Variants in LRRC27 observed in about 807,000 individuals in gnomAD.
LRRC27 encodes the protein leucine-rich repeat-containing protein 27.
Under a neutral mutation model 55.0 loss-of-function variants are expected in LRRC27, and 57 were observed. The observed-to-expected ratio is 1.04, with a 90% CI of 0.84 to 1.29. The LOEUF (loss-of-function observed/expected upper bound fraction) is 1.29, where lower values mean the gene tolerates loss of function less well. Ranked by LOEUF, LRRC27 falls within the 50% of genes most tolerant of loss-of-function variation. LRRC27 has a pLI of 0.00. For synonymous variants in LRRC27, 278 were observed against 251.9 expected, an observed-to-expected ratio of 1.10 and a Z score of -0.98; for missense variants, 721 against 651.5, an observed-to-expected ratio of 1.11 and a Z score of -1.16.
In LRRC27 at chr10:132,364,152, A is replaced by G. The variant is rs1188809757; in HGVS notation, c.1290-1272A>G. ...CTGACCTGAGGGCTCTGTTCTGTAG[A>G]ACTCCAGAGGACATCATGCTTTCTT... On this transcript the variant is annotated intron_variant, in intron 9 of 10. Transcript: ENST00000368614. 2.0e-5 allele frequency among the ~76,000 whole-genome samples: 3 copies of G among 151,970 alleles called. No homozygotes were observed. In the East Asian group the frequency reaches 5.8e-4, roughly 29 times the overall value.
chr10:132,367,907 CAA>C (rs2069133094), intron 10 of LRRC27, among the ~76,000 whole-genome samples: 1 of 152,098 alleles, frequency 6.6e-6, no homozygotes, highest in Admixed American at 6.5e-5. Context: ...GATTGGGAAA[CAA>C]GAAATAAAAT....
Position 132,375,677 on chromosome 10 carries a change from A to AG in LRRC27, c.*439dup, listed in dbSNP as rs1043088387. The AG allele has an allele frequency of 2.4e-4, 37 of 154,516 alleles. No individual in the cohort carries two copies. The highest frequency in any genetic ancestry group is 5.0e-4 in the Non-Finnish European group (35 of 69,698). 9.6% of individuals were successfully genotyped at this position (154,516 alleles called of 1,614,324 possible). A position where few individuals can be genotyped will look rare whatever the true frequency, so the allele number is the denominator to read the frequency against. ...GCAGCACCACCTTTGGCTAGGAGGG[A>AG]GGGGTGACAGCCAAAAAGGGCTTCG... is the stretch of plus-strand genomic sequence containing the variant. On this transcript the variant is annotated 3_prime_UTR_variant, in exon 11 of 11. Transcript: ENST00000368614.
At chr10:132,367,242 T>C (rs2069117580) in intron 10 of LRRC27, among the ~76,000 whole-genome samples, 2 of 152,238 alleles carry the variant, frequency 1.3e-5, no homozygotes, top group South Asian at 4.1e-4. Context: ...AGGAATTCAA[T>C]CAATAATTAA....
intron 4 of LRRC27, among the ~76,000 whole-genome samples, chr10:132,344,237 T>C (rs1471710792): frequency 6.6e-6 from 1 of 152,200 alleles, no homozygotes; most frequent in South Asian, 2.1e-4. Flanking sequence ...TTTTACAGAA[T>C]TGTGAAGGTG....
upstream of LRRC27, chr10:132,330,219 A>T: frequency 1.9e-6 from 1 of 538,918 alleles, no homozygotes. Flanking sequence ...GACTACAAAA[A>T]TTAATGTAGC....
chr10:132,368,832 T>C (rs987817556), intron 10 of LRRC27, among the ~76,000 whole-genome samples: 2 of 152,180 alleles, frequency 1.3e-5, no homozygotes, highest in African/African-American at 4.8e-5. Flanking sequence ...ACTTCTGTTC[T>C]ATGTAAGACA....
At chr10:132,330,830 G>C (rs1243563405), upstream of LRRC27, among the ~76,000 whole-genome samples, 2 of 151,368 alleles carry the variant, frequency 1.3e-5, no homozygotes, top group Non-Finnish European at 1.5e-5. Context: ...TTCTTACTGT[G>C]ATCTCTTCAC....
chr10:132,364,219 C>T (rs1469875538), intron 9 of LRRC27, among the ~76,000 whole-genome samples: 1 of 151,970 alleles, frequency 6.6e-6, no homozygotes, highest in African/African-American at 2.4e-5. Context: ...CGGCACAAAC[C>T]CTGCTGCTGG....
intron 8 of LRRC27, among the ~76,000 whole-genome samples, chr10:132,356,247 T>C (rs1268992132): frequency 6.6e-6 from 1 of 152,158 alleles, no homozygotes; most frequent in African/African-American, 2.4e-5. Flanking sequence ...GGGGAAAAGA[T>C]TCAAAAGATA....
intron 9 of LRRC27, among the ~76,000 whole-genome samples, chr10:132,362,365 CAG>C (rs2068662162): frequency 6.6e-6 from 1 of 152,102 alleles, no homozygotes; most frequent in African/African-American, 2.4e-5. Context: ...GGTAGGGGCT[CAG>C]AGGCATGCAC....
In LRRC27 at chr10:132,374,790, C is replaced by T. The variant is rs1244784188; in HGVS notation, c.1417-276C>T. ...AGATGCACAGGACACCTGGGTGGGG[C>T]CGTGGGGACACCAGGATGAGTGGCC... On this transcript the variant is annotated intron_variant, in intron 10 of 10. Coordinates refer to ENST00000368614, the MANE Select transcript of LRRC27 (RefSeq NM_030626.3). The surrounding 1 kb of genome is among the most constrained non-coding windows in gnomAD (Gnocchi z 4.4). Among the ~76,000 whole-genome samples, 1 of 152,174 alleles carries T rather than the reference C, an allele frequency of 6.6e-6. No individual in the cohort carries two copies. The highest frequency in any genetic ancestry group is 1.5e-5 in the Non-Finnish European group (1 of 68,026).
chr10:132,364,978 A>C (rs1047101167), intron 9 of LRRC27, among the ~76,000 whole-genome samples: 4 of 152,236 alleles, frequency 2.6e-5, no homozygotes, highest in Non-Finnish European at 5.9e-5. Context: ...CCTGAGCCCC[A>C]GTGCTAACAG....
chr10:132,364,627 A>ACACCCACACTCACACC (rs2068921225), intron 9 of LRRC27, among the ~76,000 whole-genome samples: 1 of 90,602 alleles, frequency 1.1e-5, no homozygotes, highest in Non-Finnish European at 2.2e-5. Flanking sequence ...ATCTACCTCC[A>ACACCCACACTCACACC]CGCCCACACT....
At chr10:132,346,606 G>A (rs899728421) in intron 5 of LRRC27, among the ~76,000 whole-genome samples, 5 of 152,170 alleles carry the variant, frequency 3.3e-5, no homozygotes, top group Admixed American at 3.3e-4. Flanking sequence ...AACCCGGGAG[G>A]CGGAGCCAAG....
intron 10 of LRRC27, chr10:132,366,323 A>G (rs12220327): frequency 0.51 from 77,788 of 152,334 alleles, 21,774 homozygotes; most frequent in African/African-American, 0.74. Context: ...ATGGGGATCC[A>G]AGGCCTCCTG....
chr10:132,368,295 T>C (rs2069141835), intron 10 of LRRC27, among the ~76,000 whole-genome samples: 1 of 152,204 alleles, frequency 6.6e-6, no homozygotes, highest in Non-Finnish European at 1.5e-5. Flanking sequence ...CCAATCATAA[T>C]CTCAGCAAAT....
At position 132,344,508 on chromosome 10, in the gene LRRC27, C is replaced by G; in HGVS notation, c.411C>G (p.Thr137=). Residue 137 remains threonine, a synonymous_variant, in exon 5 of 11, where the codon ACC becomes ACG. Transcript: ENST00000368614. ...TTTCCTCCACTGCAGGGAGCGTAAC[C>G]ACGCTGAAAGCACTGAACCTAAGAC... ...KMLPVELGSV[T]TLKALNLRHC... 2 of 1,613,144 alleles carry G rather than the reference C, an allele frequency of 1.2e-6. No individual in the cohort carries two copies. The highest frequency in any genetic ancestry group is 4.5e-5 in the East Asian group (2 of 44,856).
At chr10:132,342,331 T>C in intron 4 of LRRC27, 60 bp downstream of exon 4, 1 of 1,102,540 alleles carries the variant, frequency 9.1e-7, no homozygotes, top group Non-Finnish European at 1.3e-6. Context: ...TTGCCAGACC[T>C]TGTAATGGAA....
At chr10:132,352,912 C>G (rs1436387200) in intron 7 of LRRC27, 3 of 1,613,856 alleles carry the variant, frequency 1.9e-6, no homozygotes, top group Non-Finnish European at 2.5e-6. Context: ...CTAGAGTATT[C>G]CAGGCCCTGA....
Sources: allele counts gnomAD v4.1 joint callset (sites outside exome capture counted in the v4.1 genomes callset), GRCh38; gene constraint gnomAD v4.1.1; non-coding constraint Gnocchi (gnomAD v3.1); transcripts MANE v1.5; gene names NCBI Gene and HGNC (gene_info 2026-07-23, HGNC 2026-07-21).